The following ABLIM2 variants were observed in gnomAD, a reference collection of about 807,000 sequenced individuals.
The protein encoded by ABLIM2 is actin binding LIM protein family member 2, also known as actin-binding LIM protein 2.
A neutral mutation model predicts 97.7 loss-of-function variants in ABLIM2; 53 were observed. The ratio of observed to expected loss-of-function variants is 0.54; its 90% confidence interval spans 0.44 to 0.68. The LOEUF is 0.68. Ranked by LOEUF, ABLIM2 falls within the 30% of genes least tolerant of loss-of-function variation. The probability of loss-of-function intolerance (pLI) is 0.00; values close to 1 mark genes in which losing one functional copy is unlikely to be tolerated. For synonymous variants in ABLIM2, 361 were observed against 345.8 expected, an observed-to-expected ratio of 1.04 and a Z score of -0.49; for missense variants, 835 against 867.2, an observed-to-expected ratio of 0.96 and a Z score of 0.47.
At chr4:8,041,601 TAA>T (rs1193277449) in intron 9 of ABLIM2, among the ~76,000 whole-genome samples, 75 of 137,342 alleles carry the variant, frequency 5.5e-4, no homozygotes, top group Non-Finnish European at 4.9e-4. Flanking sequence ...CCAGTTTGTT[TAA>T]AAAAAAAAAA....
In ABLIM2 at chr4:8,120,187, C is replaced by CGTGGCAGGAAGCAAGAGCG. The variant is rs2152861172; in HGVS notation, c.11-13569_11-13551dup. Among the ~76,000 whole-genome samples the CGTGGCAGGAAGCAAGAGCG allele has an allele frequency of 6.6e-6, 1 of 152,188 alleles. No individual in the cohort carries two copies. Among genetic ancestry groups the CGTGGCAGGAAGCAAGAGCG allele is most frequent in the African/African-American group, 2.4e-5 (1 of 41,530 alleles). On this transcript the variant is annotated intron_variant, in intron 1 of 20. Transcript: ENST00000447017. The surrounding 1 kb of genome is among the most constrained non-coding windows in gnomAD (Gnocchi z 5.6). ...GCTGCCCCTTCCTCCCAGAAGAGGA[C>CGTGGCAGGAAGCAAGAGCG]GTGGCAGGAAGCAAGAGCGGTGCCA...
chr4:8,114,073 C>T (rs1229284615), intron 1 of ABLIM2, among the ~76,000 whole-genome samples: 2 of 152,246 alleles, frequency 1.3e-5, no homozygotes, highest in African/African-American at 4.8e-5. Flanking sequence ...CATTGCGGCA[C>T]AGCCCTGACA....
chr4:8,009,130 G>A (rs367547645), intron 14 of ABLIM2, 28 bp from the exon 15 acceptor site: 49 of 1,613,644 alleles, frequency 3.0e-5, no homozygotes, highest in Non-Finnish European at 3.9e-5. Flanking sequence ...ATTTGTAAAG[G>A]CCACACACCA....
chr4:8,003,766 T>G lies in ABLIM2; in HGVS notation c.1618+4293A>C, dbSNP rs1016280483. 6.6e-6 allele frequency among the ~76,000 whole-genome samples: 1 copy of G among 152,082 alleles called. No homozygotes were observed. Among genetic ancestry groups the G allele is most frequent in the Non-Finnish European group, 1.5e-5 (1 of 68,000 alleles). Reference sequence around the variant, plus strand: ...GTTTAGTAGAGACGGGGTTTCACCATGTTGGTCAGGCTGGTCTCGAACTCC... The same window carrying G: ...GTTTAGTAGAGACGGGGTTTCACCAGGTTGGTCAGGCTGGTCTCGAACTCC... On this transcript the variant is annotated intron_variant, in intron 16 of 20. Transcript: ENST00000447017. The surrounding 1 kb of genome is among the most constrained non-coding windows in gnomAD (Gnocchi z 4.2).
intron 2 of ABLIM2, among the ~76,000 whole-genome samples, chr4:8,101,521 G>C (rs777330531): frequency 7.9e-5 from 12 of 152,236 alleles, no homozygotes; most frequent in Non-Finnish European, 1.8e-4. Context: ...AGACCGCCTA[G>C]AACAGGCGGC....
At position 7,998,605 on chromosome 4, in the gene ABLIM2, G is replaced by T; in HGVS notation, c.1619-5678C>A. On this transcript the variant is annotated intron_variant, in intron 16 of 20. Coordinates refer to ENST00000447017, the MANE Select transcript of ABLIM2 (RefSeq NM_001130083.2). This position sits in a 1 kb window ranked among gnomAD's most constrained non-coding sequence, Gnocchi z 6.4. ...CTCCCAGGACTGCGGGGTGCCTGCTGGCCACCTGCCCATCTGCTAGTGTGG... is the reference window on the plus strand; with the variant it reads ...CTCCCAGGACTGCGGGGTGCCTGCTTGCCACCTGCCCATCTGCTAGTGTGG... 2.0e-6 allele frequency: 1 copy of T among 494,474 alleles called. No homozygotes were observed. Among genetic ancestry groups the T allele is most frequent in the East Asian group, 5.9e-5 (1 of 17,010 alleles). 30.6% of individuals were successfully genotyped at this position (494,474 alleles called of 1,614,324 possible).
Position 8,020,304 on chromosome 4 carries a change from C to T in ABLIM2, c.1268-1G>A. 1.2e-6 allele frequency: 2 copies of T among 1,613,364 alleles called. No homozygotes were observed. Among genetic ancestry groups the T allele is most frequent in the Non-Finnish European group, 1.7e-6 (2 of 1,179,622 alleles). On this transcript the variant is annotated splice_acceptor_variant, in intron 12 of 20. Coordinates refer to ENST00000447017, the MANE Select transcript of ABLIM2 (RefSeq NM_001130083.2). LOFTEE classifies it high-confidence loss of function. ...GGGGTGCTCCGGCCACTTTCACTGCCTCCAGACGGAAGGGCAAAGGCAGCA... is the reference window on the plus strand; with the variant it reads ...GGGGTGCTCCGGCCACTTTCACTGCTTCCAGACGGAAGGGCAAAGGCAGCA...
chr4:8,114,576 C>T (rs1356632685), intron 1 of ABLIM2, among the ~76,000 whole-genome samples: 1 of 152,186 alleles, frequency 6.6e-6, no homozygotes, highest in Non-Finnish European at 1.5e-5. Flanking sequence ...TCCTTCCTAA[C>T]CTACTTAAGG....
chr4:8,065,529 AG>A (rs1473165715), intron 6 of ABLIM2, among the ~76,000 whole-genome samples: 1 of 152,220 alleles, frequency 6.6e-6, no homozygotes, highest in Non-Finnish European at 1.5e-5. Flanking sequence ...CTACTGTGGA[AG>A]ACAGTGTATT....
Position 7,992,122 on chromosome 4 carries a change from C to T in ABLIM2, c.1680+744G>A, listed in dbSNP as rs1031754598. The stretch of plus-strand genomic sequence containing the variant: ...GGGGGTCTGGGACCAGCAAGCCTGC[C>T]CCACCCTAAGGATCCTCACTGGGGA... On this transcript the variant is annotated intron_variant, in intron 17 of 20. Transcript: ENST00000447017. This position sits in a 1 kb window ranked among gnomAD's most constrained non-coding sequence, Gnocchi z 5.7. Among the ~76,000 whole-genome samples, 7 of 152,024 alleles carry T rather than the reference C, an allele frequency of 4.6e-5. No homozygotes were observed. Among genetic ancestry groups the T allele is most frequent in the Non-Finnish European group, 1.0e-4 (7 of 67,984 alleles).
intron 1 of ABLIM2, among the ~76,000 whole-genome samples, chr4:8,156,601 G>A (rs1013213193): frequency 2.0e-5 from 3 of 152,232 alleles, no homozygotes; most frequent in African/African-American, 4.8e-5. Flanking sequence ...GCACACGAGG[G>A]TTAGACAGGC....
At chr4:7,974,986 A>G (rs1731778268) in intron 20 of ABLIM2, among the ~76,000 whole-genome samples, 1 of 152,210 alleles carries the variant, frequency 6.6e-6, no homozygotes, top group Non-Finnish European at 1.5e-5. Flanking sequence ...TGGGAGGCTG[A>G]GGTGGGAGGA....
Position 7,992,888 on chromosome 4 carries a change from C to T in ABLIM2, c.1658G>A (p.Gly553Glu), listed in dbSNP as rs1279612411. Residue 553 changes from glycine to glutamate, a missense_variant, in exon 17 of 21, where the codon GGA (glycine) becomes GAA (glutamate). By Grantham distance (98) the Gly-to-Glu change is moderately conservative. Coordinates refer to ENST00000447017, the MANE Select transcript of ABLIM2 (RefSeq NM_001130083.2). This position sits in a 1 kb window ranked among gnomAD's most constrained non-coding sequence, Gnocchi z 5.7. ...YSKSDPLPGHGKNGLDQRNAN... is the reference protein window; with the variant it reads ...YSKSDPLPGHEKNGLDQRNAN... ...TACCCGCTGGTCCAAGCCATTCTTT[C>T]CATGTCCTGGGAGAGGGTCAGATTT... 2.5e-6 allele frequency: 4 copies of T among 1,613,096 alleles called. No individual in the cohort carries two copies. Among genetic ancestry groups the T allele is most frequent in the African/African-American group, 1.3e-5 (1 of 74,900 alleles).
intron 3 of ABLIM2, among the ~76,000 whole-genome samples, chr4:8,090,570 T>C (rs1228473770): frequency 6.7e-6 from 1 of 148,340 alleles, no homozygotes; most frequent in Non-Finnish European, 1.5e-5. Context: ...TGGAACATTC[T>C]TTCCACTGCA....
chr4:8,117,055 A>C (rs542316172), intron 1 of ABLIM2, among the ~76,000 whole-genome samples: 1 of 152,328 alleles, frequency 6.6e-6, no homozygotes, highest in South Asian at 2.1e-4. Flanking sequence ...AGAGACAGTA[A>C]AGTCACTTTC....
In ABLIM2 at chr4:8,085,153, G is replaced by A. The variant is rs1822570607; in HGVS notation, c.454+3016C>T. On this transcript the variant is annotated intron_variant, in intron 4 of 20. Coordinates refer to ENST00000447017, the MANE Select transcript of ABLIM2 (RefSeq NM_001130083.2). The surrounding 1 kb of genome is among the most constrained non-coding windows in gnomAD (Gnocchi z 6.1). ...GCTTGGGGCAGCAGAGGGAAGCTCA[G>A]GGCCACGGGACTCAAGCTTGAGCTC... is the stretch of plus-strand genomic sequence containing the variant. Among the ~76,000 whole-genome samples the A allele has an allele frequency of 2.0e-5, 3 of 152,056 alleles. No homozygotes were observed. The highest frequency in any genetic ancestry group is 7.2e-5 in the African/African-American group (3 of 41,406).
Position 8,071,964 on chromosome 4 carries a change from G to A in ABLIM2, c.675+5664C>T, listed in dbSNP as rs1388335573. Reference sequence around the variant, plus strand: ...GGGCCGAGCATCAGGCAGTGCCACCGCGGCGGCGGCAGCTCCCCTTCTGCG... The same window carrying A: ...GGGCCGAGCATCAGGCAGTGCCACCACGGCGGCGGCAGCTCCCCTTCTGCG... On this transcript the variant is annotated intron_variant, in intron 6 of 20. Transcript: ENST00000447017. The surrounding 1 kb of genome is among the most constrained non-coding windows in gnomAD (Gnocchi z 6.2). 4.1e-6 allele frequency: 4 copies of A among 985,412 alleles called. No individual in the cohort carries two copies. Among genetic ancestry groups the A allele is most frequent in the African/African-American group, 1.7e-5 (1 of 57,222 alleles). The allele number at this position is 985,412 out of a possible 1,614,324, so 61.0% of individuals were successfully genotyped here.
chr4:8,151,168 G>C (rs1162183217), intron 1 of ABLIM2, among the ~76,000 whole-genome samples: 1 of 152,164 alleles, frequency 6.6e-6, no homozygotes, highest in African/African-American at 2.4e-5. Context: ...GCCCAGGTGT[G>C]CCCAGCCCCA....
chr4:8,096,745 G>A (rs890358536), intron 3 of ABLIM2, among the ~76,000 whole-genome samples: 5 of 152,214 alleles, frequency 3.3e-5, no homozygotes, highest in African/African-American at 1.2e-4. Context: ...CAGGGACCAC[G>A]TAGGAAGGCT....
Sources: gnomAD v4.1 joint callset for allele counts (sites outside exome capture counted in the v4.1 genomes callset) on GRCh38, gnomAD v4.1.1 for gene constraint, Gnocchi (gnomAD v3.1) non-coding constraint, MANE v1.5 for transcripts, NCBI Gene and HGNC (gene_info 2026-07-23, HGNC 2026-07-21) for gene names.